Variants in PDZRN3 observed in about 807,000 individuals in gnomAD.
The protein encoded by PDZRN3 is PDZ domain containing ring finger 3.
In PDZRN3, 38 loss-of-function variants were observed where a neutral mutation model predicts 85.7. The observed-to-expected ratio is 0.44, with a 90% CI of 0.34 to 0.58. PDZRN3 has a LOEUF of 0.58. PDZRN3 is among the 20% of genes least tolerant of loss of function. PDZRN3 has a pLI of 0.01. For synonymous variants in PDZRN3, 759 were observed against 638.0 expected, an observed-to-expected ratio of 1.19 and a Z score of -2.86; for missense variants, 1,629 against 1,506.4, an observed-to-expected ratio of 1.08 and a Z score of -1.35.
At chr3:73,460,256 T>C (rs1293643025) in intron 3 of PDZRN3, among the ~76,000 whole-genome samples, 1 of 152,210 alleles carries the variant, frequency 6.6e-6, no homozygotes, top group African/African-American at 2.4e-5. Context: ...TGAAAAAATA[T>C]ATCAATAGGT....
In PDZRN3 at chr3:73,624,335, C is replaced by A. The variant is rs1050241710; in HGVS notation, c.491G>T (p.Arg164Leu). The change falls in exon 1 of 10, where the codon CGA (arginine) becomes CTA (leucine). Residue 164 changes from arginine (R) to leucine (L), a missense_variant. Arg to Leu is a moderately radical substitution (Grantham distance 102, BLOSUM62 -2). Transcript: ENST00000263666. ...EQRAGGHCCA[R>L]ALRAHNGALQ... ...CGCGCCGTTGTGCGCCCGCAGCGCT[C>A]GCGCGCAGCAGTGGCCGCCCGCGCG... 43 of 1,309,000 alleles carry A rather than the reference C, an allele frequency of 3.3e-5. No homozygotes were observed. The highest frequency in any genetic ancestry group is 4.7e-5 in the African/African-American group (3 of 64,372). 81.1% of individuals were successfully genotyped at this position (1,309,000 alleles called of 1,614,324 possible).
At chr3:73,598,221 G>A (rs1045944437) in intron 3 of PDZRN3, among the ~76,000 whole-genome samples, 3 of 152,230 alleles carry the variant, frequency 2.0e-5, no homozygotes, top group East Asian at 1.9e-4. Flanking sequence ...GAAAGAATAT[G>A]AGCATAGTTC....
rs7064 is a variant in PDZRN3, at chr3:73,382,679, A to G, written c.*686T>C. 0.52 allele frequency: 79,347 copies of G among 152,490 alleles called. 20,830 individuals are homozygous for G. Among genetic ancestry groups the G allele is most frequent in the East Asian group, 0.71 (3,665 of 5,172 alleles). The allele number at this position is 152,490 out of a possible 1,614,324, so 9.4% of individuals were successfully genotyped here. On this transcript the variant is annotated 3_prime_UTR_variant, in exon 10 of 10. Coordinates refer to ENST00000263666, the MANE Select transcript of PDZRN3 (RefSeq NM_015009.3). ...TTTCCTGTACATGCAAATTCTTTCAATGGGCTGCAATATTTGCAAACATGC... is the reference window on the plus strand; with the variant it reads ...TTTCCTGTACATGCAAATTCTTTCAGTGGGCTGCAATATTTGCAAACATGC...
intron 3 of PDZRN3, among the ~76,000 whole-genome samples, chr3:73,566,179 A>G (rs1450513796): frequency 6.6e-6 from 1 of 152,232 alleles, no homozygotes; most frequent in African/African-American, 2.4e-5. Flanking sequence ...TTCATTCAGC[A>G]ACTTTGCAAT....
rs1701747052 is a variant in PDZRN3 at position 73,401,411 on chromosome 3, CAGTCTAAGAT to C, written c.1167-412_1167-403del. ...GAGAACTAGGCTCGAGCCCAGGCAA[CAGTCTAAGAT>C]ATGTGCTGGCCTCTGAGATCAGTTC... On this transcript the variant is annotated intron_variant, in intron 4 of 9. Coordinates refer to ENST00000263666, the MANE Select transcript of PDZRN3 (RefSeq NM_015009.3). Among the ~76,000 whole-genome samples the C allele has an allele frequency of 2.0e-5, 3 of 152,148 alleles. No individual in the cohort carries two copies. The South Asian group carries it at 6.2e-4, about 32-fold the overall frequency.
At chr3:73,605,794 C>G (rs1702591855) in intron 2 of PDZRN3, among the ~76,000 whole-genome samples, 1 of 152,196 alleles carries the variant, frequency 6.6e-6, no homozygotes, top group African/African-American at 2.4e-5. Context: ...AACACTATGG[C>G]AAACACATGC....
At chr3:73,553,746 T>C (rs891022872) in intron 3 of PDZRN3, among the ~76,000 whole-genome samples, 1 of 152,078 alleles carries the variant, frequency 6.6e-6, no homozygotes. Context: ...GAAATGTCAA[T>C]ACAGGCTGGA....
intron 5 of PDZRN3, among the ~76,000 whole-genome samples, chr3:73,394,208 A>C (rs1394103045): frequency 6.6e-6 from 1 of 152,160 alleles, no homozygotes; most frequent in Non-Finnish European, 1.5e-5. Context: ...CACTAACCTC[A>C]CCTGTGTTTA....
intron 3 of PDZRN3, among the ~76,000 whole-genome samples, chr3:73,465,312 T>G (rs1703191850): frequency 6.6e-6 from 1 of 152,202 alleles, no homozygotes; most frequent in Non-Finnish European, 1.5e-5. Flanking sequence ...CCATCTCTCC[T>G]CCTTTTCTGT....
chr3:73,390,261 G>A (rs939923765), intron 6 of PDZRN3, among the ~76,000 whole-genome samples: 1 of 152,166 alleles, frequency 6.6e-6, no homozygotes, highest in African/African-American at 2.4e-5. Flanking sequence ...CCAAATACTT[G>A]TATTAAAATT....
intron 3 of PDZRN3, among the ~76,000 whole-genome samples, chr3:73,519,222 A>C (rs202091582): frequency 6.6e-6 from 1 of 151,322 alleles, no homozygotes; most frequent in East Asian, 2.0e-4. Context: ...TGTGAAGAGC[A>C]AGGAGACTGA....
chr3:73,564,644 A>C (rs1005156246), intron 3 of PDZRN3, among the ~76,000 whole-genome samples: 6 of 152,036 alleles, frequency 3.9e-5, no homozygotes, highest in Non-Finnish European at 8.8e-5. Flanking sequence ...TCCTGGTACC[A>C]CTCAGGAACT....
chr3:73,474,446 TAAACTC>T (rs1400732526), intron 3 of PDZRN3: 1 of 1,273,412 alleles, frequency 7.9e-7, no homozygotes, highest in Admixed American at 2.3e-5. Context: ...TGGAGCAGAT[TAAACTC>T]ACCAAATACC....
At chr3:73,479,453 CT>C (rs1401951259) in intron 3 of PDZRN3, among the ~76,000 whole-genome samples, 1 of 152,004 alleles carries the variant, frequency 6.6e-6, no homozygotes, top group Non-Finnish European at 1.5e-5. Flanking sequence ...TTCAATAACT[CT>C]CCAGGAATAC....
Position 73,439,798 on chromosome 3 carries a change from G to T in PDZRN3, c.919-35403C>A, listed in dbSNP as rs1035409146. ...CTGTCACCCAGGCTGGAATGCAGTGGTGTGATCTCGGCTCACTGCAACCTC... is the reference window on the plus strand; with the variant it reads ...CTGTCACCCAGGCTGGAATGCAGTGTTGTGATCTCGGCTCACTGCAACCTC... On this transcript the variant is annotated intron_variant, in intron 3 of 9. Transcript: ENST00000263666. 7.2e-5 allele frequency among the ~76,000 whole-genome samples: 11 copies of T among 152,178 alleles called. No individual in the cohort carries two copies. The South Asian group carries it at 2.3e-3, about 32-fold the overall frequency.
At chr3:73,424,310 T>C (rs560987851) in intron 3 of PDZRN3, among the ~76,000 whole-genome samples, 1 of 134,196 alleles carries the variant, frequency 7.5e-6, no homozygotes, top group East Asian at 2.3e-4. Flanking sequence ...GGCAGGTGGA[T>C]CACAAGGTTA....
intron 3 of PDZRN3, among the ~76,000 whole-genome samples, chr3:73,464,268 A>G (rs1284247146): frequency 6.6e-6 from 1 of 152,192 alleles, no homozygotes; most frequent in Non-Finnish European, 1.5e-5. Flanking sequence ...TATAGGCGTG[A>G]GCCATGGTGC....
intron 3 of PDZRN3, among the ~76,000 whole-genome samples, chr3:73,539,213 T>C (rs1341268013): frequency 6.6e-6 from 1 of 152,188 alleles, no homozygotes; most frequent in Non-Finnish European, 1.5e-5. Flanking sequence ...TTATATAGGT[T>C]TTCAAAGTCA....
At chr3:73,458,456 T>G (rs752255610) in intron 3 of PDZRN3, among the ~76,000 whole-genome samples, 5 of 151,476 alleles carry the variant, frequency 3.3e-5, no homozygotes, top group Non-Finnish European at 4.4e-5. Context: ...GAGATGTTTT[T>G]AAATAGGTTT....
Sources: allele counts gnomAD v4.1 joint callset (sites outside exome capture counted in the v4.1 genomes callset), GRCh38; gene constraint gnomAD v4.1.1; transcripts MANE v1.5; gene names NCBI Gene and HGNC (gene_info 2026-07-23, HGNC 2026-07-21).